DPYD: variants seen among roughly 807,000 people sequenced by gnomAD.
The protein encoded by DPYD is dihydropyrimidine dehydrogenase, also known as dihydropyrimidine dehydrogenase [NADP(+)].
DPYD carries 109 observed loss-of-function variants against 116.2 expected under a neutral mutation model. The observed-to-expected ratio is 0.94, with a 90% CI of 0.80 to 1.10. The LOEUF (loss-of-function observed/expected upper bound fraction) is 1.10, where lower values mean the gene tolerates loss of function less well. DPYD is among the 50% of genes least tolerant of loss of function. The pLI, the probability that DPYD is intolerant of heterozygous loss-of-function variation, is 0.00. For missense variants in DPYD, 1,302 were observed against 1,254.5 expected (o/e 1.04, Z -0.57); for synonymous variants, 440 against 432.0 (o/e 1.02, Z -0.23).
intron 8 of DPYD, among the ~76,000 whole-genome samples, chr1:97,667,907 C>A (rs986412510): frequency 3.3e-5 from 5 of 152,066 alleles, no homozygotes; most frequent in African/African-American, 1.2e-4. Context: ...ACACATGCTA[C>A]AACATGAATG....
intron 8 of DPYD, among the ~76,000 whole-genome samples, chr1:97,597,904 T>A (rs373006720): frequency 3.3e-5 from 5 of 152,302 alleles, no homozygotes; most frequent in African/African-American, 1.2e-4. Flanking sequence ...CACTACTTCA[T>A]TTCTAAAAAC....
In DPYD at chr1:97,245,759, C is replaced by T. The variant is rs573954868; in HGVS notation, c.2300-10765G>A. Reference sequence around the variant, plus strand: ...TTCCACATCCATTAGGATCCTATTACTTCTTCCTTTGGAAAATCACAATTT... The same window carrying T: ...TTCCACATCCATTAGGATCCTATTATTTCTTCCTTTGGAAAATCACAATTT... On this transcript the variant is annotated intron_variant, in intron 18 of 22. Transcript: ENST00000370192. 2.6e-5 allele frequency among the ~76,000 whole-genome samples: 4 copies of T among 152,266 alleles called. No individual in the cohort carries two copies. The East Asian group carries it at 7.7e-4, about 29-fold the overall frequency.
chr1:97,355,604 C>T (rs979260284), intron 16 of DPYD, among the ~76,000 whole-genome samples: 8 of 152,176 alleles, frequency 5.3e-5, no homozygotes, highest in African/African-American at 1.7e-4. Flanking sequence ...TTCTGGTAAT[C>T]ACCATTCTAC....
chr1:97,811,279 T>C (rs539332144), intron 3 of DPYD, among the ~76,000 whole-genome samples: 65 of 152,262 alleles, frequency 4.3e-4, no homozygotes, highest in Admixed American at 9.2e-4. Context: ...CTGCCCGTTA[T>C]CCAATTTTCA....
intron 5 of DPYD, among the ~76,000 whole-genome samples, chr1:97,707,941 G>C (rs1441316554): frequency 6.6e-6 from 1 of 152,020 alleles, no homozygotes; most frequent in East Asian, 1.9e-4. Context: ...TTTTCTCCCA[G>C]CCTGTGGCTT....
rs759372918 is a variant in DPYD at position 97,305,283 on chromosome 1, G to A, written c.2275C>T (p.Arg759Ter). The A allele has an allele frequency of 2.6e-5, 42 of 1,612,168 alleles. No homozygotes were observed. The highest frequency in any genetic ancestry group is 5.0e-5 in the Admixed American group (3 of 59,802). Residue 759 changes from arginine to a stop codon, truncating the protein, a stop_gained, in exon 18 of 23, where the codon CGA (arginine) becomes TGA (stop). Coordinates refer to ENST00000370192, the MANE Select transcript of DPYD (RefSeq NM_000110.4). LOFTEE classifies it high-confidence loss of function. ...TPWPAVGIAK[R>*]TTYGGVSGTA... ...CCAGACACTCCTCCATATGTAGTTC[G>A]CTTTGCAATCCCCACTGCTGGCCAA...
At chr1:97,422,603 T>C (rs1674649411) in intron 14 of DPYD, among the ~76,000 whole-genome samples, 1 of 152,084 alleles carries the variant, frequency 6.6e-6, no homozygotes, top group Admixed American at 6.6e-5. Flanking sequence ...TACTTCACAT[T>C]GTACAGGTCA....
chr1:97,362,176 C>A lies in DPYD; in HGVS notation c.2058+11385G>T, dbSNP rs140476305. ...ACACCAATAACGGACAAACAGAGAGCCAAATCATGAGCGAACTCCCATTCA... is the reference window on the plus strand; with the variant it reads ...ACACCAATAACGGACAAACAGAGAGACAAATCATGAGCGAACTCCCATTCA... On this transcript the variant is annotated intron_variant, in intron 16 of 22. Coordinates refer to ENST00000370192, the MANE Select transcript of DPYD (RefSeq NM_000110.4). Among the ~76,000 whole-genome samples, 1,142 of 152,194 alleles carry A rather than the reference C, an allele frequency of 7.5e-3. 17 individuals carry two copies. Among genetic ancestry groups the A allele is most frequent in the African/African-American group, 0.026 (1,090 of 41,504 alleles).
chr1:97,890,868 G>A (rs549412284), intron 1 of DPYD, among the ~76,000 whole-genome samples: 3 of 151,906 alleles, frequency 2.0e-5, no homozygotes, highest in Non-Finnish European at 4.4e-5. Flanking sequence ...TAAACATTCT[G>A]AATGTAATTT....
At chr1:97,314,457 A>G (rs1667693957) in intron 16 of DPYD, among the ~76,000 whole-genome samples, 1 of 148,920 alleles carries the variant, frequency 6.7e-6, no homozygotes, top group African/African-American at 2.5e-5. Context: ...CTTAGTGTCA[A>G]TGCTCCCCAT....
chr1:97,436,929 T>C (rs1412064045), intron 14 of DPYD, among the ~76,000 whole-genome samples: 3 of 151,804 alleles, frequency 2.0e-5, no homozygotes, highest in Non-Finnish European at 2.9e-5. Flanking sequence ...CAAGATGCAT[T>C]CCAGGAAAAG....
At chr1:97,802,320 T>C (rs1472773044) in intron 3 of DPYD, among the ~76,000 whole-genome samples, 2 of 151,924 alleles carry the variant, frequency 1.3e-5, no homozygotes, top group East Asian at 3.9e-4. Flanking sequence ...GAATAAGAAC[T>C]GCCAAAATGT....
At chr1:97,590,469 G>T (rs1393809663) in intron 10 of DPYD, among the ~76,000 whole-genome samples, 2 of 152,170 alleles carry the variant, frequency 1.3e-5, no homozygotes, top group South Asian at 4.1e-4. Flanking sequence ...CAGGCGGAAG[G>T]TAAAAGTGAC....
chr1:97,117,079 G>A (rs920491734), intron 20 of DPYD, among the ~76,000 whole-genome samples: 23 of 151,416 alleles, frequency 1.5e-4, no homozygotes, highest in African/African-American at 4.9e-4. Flanking sequence ...TAAGAGAATC[G>A]CTTGAACCCT....
intron 2 of DPYD, among the ~76,000 whole-genome samples, chr1:97,861,347 T>C (rs1450027215): frequency 6.6e-6 from 1 of 151,668 alleles, no homozygotes; most frequent in African/African-American, 2.4e-5. Context: ...ACAAAAGTAG[T>C]GGGAAAATGT....
At chr1:97,214,082 TC>T (rs1378356492) in intron 19 of DPYD, among the ~76,000 whole-genome samples, 3 of 152,238 alleles carry the variant, frequency 2.0e-5, no homozygotes, top group African/African-American at 7.2e-5. Flanking sequence ...CAAGCAGGGA[TC>T]ACTTCTCCAT....
chr1:97,656,801 ATGCT>A (rs955575534), intron 8 of DPYD, among the ~76,000 whole-genome samples: 2 of 151,036 alleles, frequency 1.3e-5, no homozygotes, highest in Non-Finnish European at 2.9e-5. Context: ...CTTTGTCTCA[ATGCT>A]TAGGAATTTT....
intron 14 of DPYD, among the ~76,000 whole-genome samples, chr1:97,430,437 A>G (rs570073471): frequency 2.6e-5 from 4 of 152,290 alleles, no homozygotes; most frequent in African/African-American, 9.6e-5. Flanking sequence ...TGCCTTTAAA[A>G]AAACAGAAAC....
intron 16 of DPYD, among the ~76,000 whole-genome samples, chr1:97,329,108 T>C (rs1037295710): frequency 6.6e-6 from 1 of 152,282 alleles, no homozygotes; most frequent in Non-Finnish European, 1.5e-5. Context: ...CTAAAGCACC[T>C]ATTAAACAAG....
Sources: gnomAD v4.1 joint callset for allele counts (sites outside exome capture counted in the v4.1 genomes callset) on GRCh38, gnomAD v4.1.1 for gene constraint, MANE v1.5 for transcripts, NCBI Gene and HGNC (gene_info 2026-07-23, HGNC 2026-07-21) for gene names.